CFAP58: variants seen among roughly 807,000 people sequenced by gnomAD.
CFAP58 encodes the protein cilia and flagella associated protein 58, also known as cilia- and flagella-associated protein 58.
In CFAP58, 88 loss-of-function variants were observed where a neutral mutation model predicts 119.5. That is an observed-to-expected ratio of 0.74 (90% CI 0.62 to 0.88). The LOEUF (loss-of-function observed/expected upper bound fraction) is 0.88. Among genes scored for constraint, CFAP58 ranks in the 40% least tolerant of loss-of-function variants. CFAP58 has a pLI of 0.00. For synonymous variants in CFAP58, 365 were observed against 366.3 expected, an observed-to-expected ratio of 1.00 and a Z score of 0.04; for missense variants, 990 against 1,021.2, an observed-to-expected ratio of 0.97 and a Z score of 0.42.
At chr10:104,449,013 T>C (rs2013152638) in intron 16 of CFAP58, among the ~76,000 whole-genome samples, 1 of 152,232 alleles carries the variant, frequency 6.6e-6, no homozygotes, top group Non-Finnish European at 1.5e-5. Flanking sequence ...TCAAATGAAA[T>C]GTGACCCCTC....
At chr10:104,388,271 A>T (rs1256464864) in intron 9 of CFAP58, among the ~76,000 whole-genome samples, 1 of 152,240 alleles carries the variant, frequency 6.6e-6, no homozygotes, top group Non-Finnish European at 1.5e-5. Context: ...AACGTGACGT[A>T]GTGTAAACTA....
chr10:104,444,106 GATT>G (rs549708786), intron 15 of CFAP58, among the ~76,000 whole-genome samples: 15 of 152,232 alleles, frequency 9.9e-5, no homozygotes, highest in Non-Finnish European at 2.2e-4. Context: ...AGTTGAGCTT[GATT>G]CCAGTACAGC....
At chr10:104,418,258 G>A (rs1369070893) in intron 15 of CFAP58, among the ~76,000 whole-genome samples, 1 of 152,148 alleles carries the variant, frequency 6.6e-6, no homozygotes, top group Non-Finnish European at 1.5e-5. Flanking sequence ...AGAAACCTTA[G>A]TCATTGGAGG....
rs183386169 is a variant in CFAP58 at position 104,401,260 on chromosome 10, G to A, written c.2039+357G>A. Among the ~76,000 whole-genome samples the A allele has an allele frequency of 2.8e-3, 425 of 152,312 alleles. 3 individuals carry two copies. The highest frequency in any genetic ancestry group is 0.02 in the South Asian group (97 of 4,832). ...TTGAATTTCTTTAATAAGTCAGTAT[G>A]CAAGAGAGGGAGCATCAATATTGAA... On this transcript the variant is annotated intron_variant, in intron 13 of 17. Transcript: ENST00000369704.
chr10:104,438,400 G>C (rs1345256498), intron 15 of CFAP58, among the ~76,000 whole-genome samples: 6 of 125,226 alleles, frequency 4.8e-5, no homozygotes, highest in Non-Finnish European at 1.6e-5. Context: ...ACGGAGTCTC[G>C]CTCTGTCGCC....
chr10:104,376,945 A>G (rs781556370), intron 8 of CFAP58, 52 bp downstream of exon 8: 2 of 1,405,808 alleles, frequency 1.4e-6, no homozygotes, highest in Non-Finnish European at 2.0e-6. Context: ...TCAGCACTGT[A>G]ATATCTGGCT....
At chr10:104,350,515 G>A (rs370763885), upstream of CFAP58, among the ~76,000 whole-genome samples, 26 of 152,258 alleles carry the variant, frequency 1.7e-4, no homozygotes, top group South Asian at 5.4e-3. Context: ...CTGTGTTGAT[G>A]CCCCCTGCAT....
At chr10:104,370,652 A>C (rs2014810116) in intron 6 of CFAP58, among the ~76,000 whole-genome samples, 1 of 152,212 alleles carries the variant, frequency 6.6e-6, no homozygotes, top group Non-Finnish European at 1.5e-5. Flanking sequence ...CTTGAAACAA[A>C]ATTTTTCAGT....
At chr10:104,429,929 T>TCACTGACAGCCCCTCCTCC (rs1250178107) in intron 15 of CFAP58, among the ~76,000 whole-genome samples, 2 of 151,988 alleles carry the variant, frequency 1.3e-5, no homozygotes, top group Non-Finnish European at 2.9e-5. Flanking sequence ...TCTGGCTCTC[T>TCACTGACAGCCCCTCCTCC]CACTGACAGC....
intron 12 of CFAP58, 65 bp from the exon 13 acceptor site, chr10:104,400,615 G>T: frequency 7.8e-7 from 1 of 1,287,726 alleles, no homozygotes; most frequent in Middle Eastern, 2.6e-4. Context: ...AATGAATGGT[G>T]CTGTCACAGT....
intron 15 of CFAP58, among the ~76,000 whole-genome samples, chr10:104,409,560 T>C (rs1305167438): frequency 6.6e-6 from 1 of 152,228 alleles, no homozygotes; most frequent in Admixed American, 6.5e-5. Flanking sequence ...TCTGTCTGCT[T>C]AATCACTGAA....
At chr10:104,353,627 T>C, upstream of CFAP58, 1 of 470,206 alleles carries the variant, frequency 2.1e-6, no homozygotes, top group Admixed American at 3.5e-5. Flanking sequence ...CTCACTTCCT[T>C]GGCTCCGCCC....
Position 104,400,981 on chromosome 10 carries a change from G to T in CFAP58, c.2039+78G>T. On this transcript the variant is annotated intron_variant, in intron 13 of 17. Coordinates refer to ENST00000369704, the MANE Select transcript of CFAP58 (RefSeq NM_001008723.2). ...CTAAAATCACTTCGTAGTCATGCTT[G>T]TTGCTCATTGAAGGTCTTTATCGAG... The T allele has an allele frequency of 6.1e-6, 6 of 989,308 alleles. No individual in the cohort carries two copies. In the South Asian group the frequency reaches 9.0e-5, roughly 15 times the overall value. 61.3% of individuals were successfully genotyped at this position (989,308 alleles called of 1,614,324 possible). A position where few individuals can be genotyped will look rare whatever the true frequency, so the allele number is the denominator to read the frequency against.
intron 9 of CFAP58, among the ~76,000 whole-genome samples, chr10:104,386,886 A>G (rs1426598054): frequency 1.3e-5 from 2 of 152,166 alleles, no homozygotes; most frequent in Non-Finnish European, 2.9e-5. Context: ...GGATGATTTT[A>G]TCTGAATTAT....
chr10:104,434,777 A>G (rs1431793076), intron 15 of CFAP58, among the ~76,000 whole-genome samples: 1 of 152,214 alleles, frequency 6.6e-6, no homozygotes, highest in African/African-American at 2.4e-5. Flanking sequence ...GTAACTGTCA[A>G]GAATTGCTCT....
In CFAP58 at chr10:104,356,004, G is replaced by C. The variant is rs971373000; in HGVS notation, c.9+2098G>C. ...AAGAACAGTGCAGTGACAAATTTTT[G>C]TGTGTGCTTATGTTTAGCATCAACA... is the stretch of plus-strand genomic sequence containing the variant. On this transcript the variant is annotated intron_variant, in intron 1 of 17. Coordinates refer to ENST00000369704, the MANE Select transcript of CFAP58 (RefSeq NM_001008723.2). Among the ~76,000 whole-genome samples the C allele has an allele frequency of 1.3e-5, 2 of 152,202 alleles. 1 individual carries two copies.
Position 104,368,449 on chromosome 10 carries a change from A to C in CFAP58, c.819A>C (p.Glu273Asp). 2 of 1,613,940 alleles carry C rather than the reference A, an allele frequency of 1.2e-6. No homozygotes were observed. The highest frequency in any genetic ancestry group is 1.7e-6 in the Non-Finnish European group (2 of 1,179,884). ...TATTGAATGAGAGAGCTGCAAAGGA[A>C]CTCGAGCAATTTCAGATGAGAAATG... ...QKILNERAAK[E>D]LEQFQMRNAK... The change falls in exon 6 of 18, where the codon GAA becomes GAC. Residue 273 changes from glutamate to aspartate, a missense_variant. Transcript: ENST00000369704.
At chr10:104,358,269 T>G in intron 1 of CFAP58, 72 bp from the exon 2 acceptor site, 1 of 1,458,024 alleles carries the variant, frequency 6.9e-7, no homozygotes, top group Non-Finnish European at 9.2e-7. Flanking sequence ...TCAGAGGTAA[T>G]AGCAGTAATT....
At chr10:104,369,702 A>G (rs908176646) in intron 6 of CFAP58, among the ~76,000 whole-genome samples, 4 of 152,168 alleles carry the variant, frequency 2.6e-5, no homozygotes, top group African/African-American at 7.2e-5. Flanking sequence ...AAGATGGACT[A>G]TTTCTGTTAT....
Sources: allele counts gnomAD v4.1 joint callset (sites outside exome capture counted in the v4.1 genomes callset), GRCh38; gene constraint gnomAD v4.1.1; transcripts MANE v1.5; gene names NCBI Gene and HGNC (gene_info 2026-07-23, HGNC 2026-07-21).